RBFOX1: variants seen among roughly 807,000 people sequenced by gnomAD.
RBFOX1 encodes RNA binding fox-1 homolog 1.
A neutral mutation model predicts 57.7 loss-of-function variants in RBFOX1; 8 were observed. The ratio of observed to expected loss-of-function variants is 0.14; its 90% confidence interval spans 0.08 to 0.25. The LOEUF is 0.25. RBFOX1 is among the 10% of genes least tolerant of loss of function. The probability of loss-of-function intolerance (pLI) is 1.00; values close to 1 mark genes in which losing one functional copy is unlikely to be tolerated. For missense variants in RBFOX1, 611 were observed against 548.5 expected, an observed-to-expected ratio of 1.11 and a Z score of -1.14; for synonymous variants, 326 against 222.4, an observed-to-expected ratio of 1.47 and a Z score of -4.15.
At chr16:5,682,802 A>T (rs943909374) in intron 3 of RBFOX1, among the ~76,000 whole-genome samples, 3 of 152,122 alleles carry the variant, frequency 2.0e-5, no homozygotes, top group African/African-American at 7.2e-5. Flanking sequence ...AATTTTCCTC[A>T]CCAGAACTGG....
intron 4 of RBFOX1, among the ~76,000 whole-genome samples, chr16:7,504,737 A>ATATATATTTTTATATATATATATATATT (rs2072348836): frequency 4.6e-4 from 3 of 6,492 alleles, no homozygotes; most frequent in African/African-American, 1.1e-3. Flanking sequence ...ATATATATAT[A>ATATATATTTTTATATATATATATATATT]TATATATATA....
chr16:6,652,041 T>C (rs1194290315), intron 2 of RBFOX1, among the ~76,000 whole-genome samples: 1 of 152,222 alleles, frequency 6.6e-6, no homozygotes, highest in African/African-American at 2.4e-5. Context: ...ATTCATATAC[T>C]GAAGTCGTAA....
At chr16:5,299,177 A>G (rs563976986) in intron 1 of RBFOX1, among the ~76,000 whole-genome samples, 1 of 151,982 alleles carries the variant, frequency 6.6e-6, no homozygotes, top group African/African-American at 2.4e-5. Context: ...AAATGGAATC[A>G]TATGCTATGC....
At chr16:7,461,367 C>T (rs1171129599) in intron 4 of RBFOX1, among the ~76,000 whole-genome samples, 3 of 152,160 alleles carry the variant, frequency 2.0e-5, no homozygotes, top group Admixed American at 1.3e-4. Flanking sequence ...GGGGTTTCAC[C>T]ATGTTGGCCA....
chr16:5,857,764 A>G (rs2057109412), intron 3 of RBFOX1, among the ~76,000 whole-genome samples: 1 of 145,852 alleles, frequency 6.9e-6, no homozygotes, highest in Non-Finnish European at 1.5e-5. Context: ...TCTACCAAGG[A>G]AAAAAAAAAC....
At chr16:6,539,639 A>G (rs948793601) in intron 2 of RBFOX1, among the ~76,000 whole-genome samples, 6 of 152,188 alleles carry the variant, frequency 3.9e-5, no homozygotes, top group African/African-American at 1.4e-4. Flanking sequence ...CTCTACTAAA[A>G]ATACAAAAAT....
intron 3 of RBFOX1, among the ~76,000 whole-genome samples, chr16:6,816,265 C>T (rs545107093): frequency 4.9e-4 from 74 of 152,278 alleles, no homozygotes; most frequent in African/African-American, 1.7e-3. Flanking sequence ...GCTATGATCA[C>T]ACTATTGCAC....
intron 1 of RBFOX1, among the ~76,000 whole-genome samples, chr16:6,253,196 C>G (rs1188521023): frequency 6.6e-6 from 1 of 152,144 alleles, no homozygotes; most frequent in East Asian, 1.9e-4. Context: ...TCTATTTCTC[C>G]TAGAGGAAGT....
chr16:5,968,498 C>G (rs2059897183), intron 4 of RBFOX1, among the ~76,000 whole-genome samples: 1 of 152,146 alleles, frequency 6.6e-6, no homozygotes, highest in Non-Finnish European at 1.5e-5. Context: ...ACGTGGGTCA[C>G]TTTATTTAAG....
chr16:5,284,756 A>ATTTTTTTTTTTTTATTTTTTTTT (rs2063351735), intron 1 of RBFOX1, among the ~76,000 whole-genome samples: 1 of 61,032 alleles, frequency 1.6e-5, no homozygotes, highest in Non-Finnish European at 3.0e-5. Flanking sequence ...TTTGGCTTAG[A>ATTTTTTTTTTTTTATTTTTTTTT]TTTTTTTTTT....
intron 2 of RBFOX1, chr16:6,483,116 T>C (rs777021878): frequency 2.0e-5 from 21 of 1,030,324 alleles, no homozygotes; most frequent in Non-Finnish European, 2.4e-5. Flanking sequence ...GCAGCCCCAG[T>C]ATCCACTGCC....
At chr16:7,069,850 C>A (rs1276175733) in intron 4 of RBFOX1, among the ~76,000 whole-genome samples, 4 of 152,174 alleles carry the variant, frequency 2.6e-5, no homozygotes, top group Non-Finnish European at 5.9e-5. Flanking sequence ...CATTGATGTT[C>A]CCTTACATCA....
intron 3 of RBFOX1, among the ~76,000 whole-genome samples, chr16:6,999,346 T>G (rs1159369614): frequency 6.6e-6 from 1 of 151,478 alleles, no homozygotes; most frequent in Non-Finnish European, 1.5e-5. Context: ...CATGAGCCGT[T>G]GTGCCTGGCC....
intron 4 of RBFOX1, among the ~76,000 whole-genome samples, chr16:7,276,246 G>C (rs1365189211): frequency 6.6e-6 from 1 of 152,112 alleles, no homozygotes; most frequent in Admixed American, 6.5e-5. Flanking sequence ...TGCAGACTTT[G>C]TGTCATGAAA....
At chr16:7,605,934 C>T (rs1596375295) in intron 9 of RBFOX1, among the ~76,000 whole-genome samples, 1 of 151,564 alleles carries the variant, frequency 6.6e-6, no homozygotes, top group Non-Finnish European at 1.5e-5. Flanking sequence ...TGACTCCCAG[C>T]TTCAAGCGAT....
At chr16:7,194,780 T>A (rs899934003) in intron 4 of RBFOX1, among the ~76,000 whole-genome samples, 9 of 151,620 alleles carry the variant, frequency 5.9e-5, no homozygotes, top group Non-Finnish European at 1.0e-4. Context: ...CTACAAAAAT[T>A]AGCTGGACGT....
intron 1 of RBFOX1, among the ~76,000 whole-genome samples, chr16:6,117,006 T>A (rs2096503448): frequency 6.6e-6 from 1 of 152,166 alleles, no homozygotes; most frequent in Non-Finnish European, 1.5e-5. Context: ...GTATTAAACA[T>A]CTAGTTCTGA....
At chr16:7,386,066 G>C (rs2097873953) in intron 4 of RBFOX1, among the ~76,000 whole-genome samples, 2 of 151,994 alleles carry the variant, frequency 1.3e-5, no homozygotes, top group Admixed American at 1.3e-4. Flanking sequence ...TGGGATTGCA[G>C]GTGTGAGCCA....
intron 1 of RBFOX1, among the ~76,000 whole-genome samples, chr16:6,046,295 G>A (rs955113830): frequency 2.0e-5 from 3 of 152,134 alleles, no homozygotes; most frequent in Admixed American, 6.5e-5. Flanking sequence ...GACAGATAGG[G>A]GGATGAGGAA....
Sources: allele counts gnomAD v4.1 joint callset (sites outside exome capture counted in the v4.1 genomes callset), GRCh38; gene constraint gnomAD v4.1.1; transcripts MANE v1.5; gene names NCBI Gene and HGNC (gene_info 2026-07-23, HGNC 2026-07-21).